The following USO1 variants were observed in gnomAD, a reference collection of about 807,000 sequenced individuals.
USO1 encodes the protein USO1 vesicle transport factor, also known as general vesicular transport factor p115.
In USO1, 57 loss-of-function variants were observed where a neutral mutation model predicts 124.5. The ratio of observed to expected loss-of-function variants is 0.46; its 90% CI spans 0.37 to 0.57. USO1 has a LOEUF of 0.57. USO1 is among the 20% of genes least tolerant of loss of function. The pLI, the probability that USO1 is intolerant of heterozygous loss-of-function variation, is 0.00. For missense variants in USO1, 900 were observed against 1,040.6 expected, an observed-to-expected ratio of 0.86 and a Z score of 1.86; for synonymous variants, 369 against 362.8, an observed-to-expected ratio of 1.02 and a Z score of -0.19.
intron 1 of USO1, among the ~76,000 whole-genome samples, chr4:75,745,775 TTG>T (rs143929359): frequency 0.14 from 20,996 of 151,824 alleles, 2,475 homozygotes; most frequent in African/African-American, 0.32. Flanking sequence ...TGGCACATGT[TTG>T]TAATCCCAAC....
chr4:75,736,777 G>A (rs1308535852), intron 1 of USO1, among the ~76,000 whole-genome samples: 1 of 152,042 alleles, frequency 6.6e-6, no homozygotes, highest in East Asian at 1.9e-4. Flanking sequence ...ATGTTTCTCA[G>A]AGCACCTAAT....
At chr4:75,746,423 C>G (rs887120999) in intron 1 of USO1, among the ~76,000 whole-genome samples, 2 of 152,176 alleles carry the variant, frequency 1.3e-5, no homozygotes, top group Non-Finnish European at 2.9e-5. Context: ...AATTATACTG[C>G]ACTGAGTTGG....
At chr4:75,748,698 C>G (rs1721206520) in intron 1 of USO1, among the ~76,000 whole-genome samples, 1 of 152,006 alleles carries the variant, frequency 6.6e-6, no homozygotes, top group African/African-American at 2.4e-5. Flanking sequence ...AGATAAGAAT[C>G]CCAGATCTAG....
At chr4:75,752,345 T>G in intron 1 of USO1, 28 bp from the exon 2 acceptor site, 1 of 398,308 alleles carries the variant, frequency 2.5e-6, no homozygotes. Context: ...TTTTATTCTT[T>G]TAATGCCATT....
At chr4:75,809,591 G>T (rs1189094016) in intron 21 of USO1, among the ~76,000 whole-genome samples, 1 of 152,144 alleles carries the variant, frequency 6.6e-6, no homozygotes, top group Non-Finnish European at 1.5e-5. Flanking sequence ...ACAAAACACT[G>T]CAACACTATT....
intron 1 of USO1, among the ~76,000 whole-genome samples, chr4:75,729,593 G>A (rs894573256): frequency 2.0e-5 from 3 of 151,994 alleles, no homozygotes; most frequent in African/African-American, 7.3e-5. Context: ...TGCCCGCCTC[G>A]GCCTCTCAAA....
chr4:75,771,594 G>A (rs933268841), intron 7 of USO1, among the ~76,000 whole-genome samples: 3 of 152,204 alleles, frequency 2.0e-5, no homozygotes, highest in Non-Finnish European at 2.9e-5. Flanking sequence ...TCCTCATAAA[G>A]AGTAGCGGAG....
At chr4:75,768,825 C>T in intron 4 of USO1, among the ~76,000 whole-genome samples, 1 of 152,122 alleles carries the variant, frequency 6.6e-6, no homozygotes, top group East Asian at 1.9e-4. Context: ...ATATGTTTAC[C>T]ACTCTAATGT....
At chr4:75,786,691 G>T (rs1475490045) in intron 9 of USO1, among the ~76,000 whole-genome samples, 1 of 152,112 alleles carries the variant, frequency 6.6e-6, no homozygotes, top group Admixed American at 6.5e-5. Flanking sequence ...TTTCAGACCT[G>T]CTCTCTTACT....
chr4:75,774,628 G>T, intron 7 of USO1, 48 bp from the exon 8 acceptor site: 2 of 1,541,700 alleles, frequency 1.3e-6, no homozygotes, highest in Non-Finnish European at 1.7e-6. Context: ...ATTTAAAAAT[G>T]TCTCATAAAT....
Position 75,813,449 on chromosome 4 carries a change from A to T in USO1, c.*154A>T. The T allele has an allele frequency of 2.5e-6, 2 of 784,844 alleles. No individual in the cohort carries two copies. Among genetic ancestry groups the T allele is most frequent in the Non-Finnish European group, 3.6e-6 (2 of 559,208 alleles). 48.6% of individuals were successfully genotyped at this position (784,844 alleles called of 1,614,324 possible). A position where few individuals can be genotyped will look rare whatever the true frequency, so the allele number is the denominator to read the frequency against. On this transcript the variant is annotated 3_prime_UTR_variant, in exon 24 of 24. Transcript: ENST00000514213. Reference sequence around the variant, plus strand: ...ATATATTTTTGTAATGTTGCCACCCATGTTGAAAACCTTAAAACTGAATTT... The same window carrying T: ...ATATATTTTTGTAATGTTGCCACCCTTGTTGAAAACCTTAAAACTGAATTT...
At chr4:75,731,894 TAC>T (rs1242684199) in intron 1 of USO1, among the ~76,000 whole-genome samples, 3 of 152,254 alleles carry the variant, frequency 2.0e-5, no homozygotes, top group Non-Finnish European at 4.4e-5. Flanking sequence ...CAAGCTGTAT[TAC>T]ACTAGTGTCC....
chr4:75,733,398 A>G (rs1016971608), intron 1 of USO1, among the ~76,000 whole-genome samples: 6 of 152,268 alleles, frequency 3.9e-5, no homozygotes, highest in African/African-American at 1.4e-4. Context: ...ACTGCTCTCT[A>G]CAGTGACTGA....
At chr4:75,743,840 G>A (rs1273091431) in intron 1 of USO1, among the ~76,000 whole-genome samples, 3 of 152,042 alleles carry the variant, frequency 2.0e-5, no homozygotes, top group Non-Finnish European at 4.4e-5. Context: ...GCAGTGGCGC[G>A]ATCTTGGCTC....
chr4:75,771,795 G>A (rs17000825), intron 7 of USO1, among the ~76,000 whole-genome samples: 2,101 of 152,248 alleles, frequency 0.014, 56 homozygotes, highest in African/African-American at 0.048. Flanking sequence ...ATTTGATGCT[G>A]TATATTTTGT....
intron 1 of USO1, among the ~76,000 whole-genome samples, chr4:75,747,093 T>C (rs1721146476): frequency 6.6e-6 from 1 of 152,142 alleles, no homozygotes; most frequent in Admixed American, 6.6e-5. Flanking sequence ...AGGGGAGGAT[T>C]TAGGTTTATA....
intron 7 of USO1, 135 bp from the exon 8 acceptor site, chr4:75,774,541 T>C (rs569119045): frequency 1.9e-6 from 2 of 1,041,188 alleles, no homozygotes; most frequent in Admixed American, 6.3e-5. Flanking sequence ...TCTGTTCTTG[T>C]TTTCCTTATG....
chr4:75,757,672 A>G (rs1390501017), intron 4 of USO1, 99 bp downstream of exon 4: 10 of 1,155,236 alleles, frequency 8.7e-6, no homozygotes, highest in Middle Eastern at 2.5e-4. Flanking sequence ...TTATAAATGT[A>G]TAAGTTTTTT....
Position 75,814,016 on chromosome 4 carries a change from T to C in USO1, c.*721T>C, listed in dbSNP as rs1723223031. 6.6e-6 allele frequency: 1 copy of C among 152,234 alleles called. No homozygotes were observed. The highest frequency in any genetic ancestry group is 1.5e-5 in the Non-Finnish European group (1 of 68,036). The allele number at this position is 152,234 out of a possible 1,614,324, so 9.4% of individuals were successfully genotyped here. The stretch of plus-strand genomic sequence containing the variant: ...AAACAAATTTCAAGTTAACAGTTCA[T>C]ACAACTCAGATTTAGTAGTATTGTT... On this transcript the variant is annotated 3_prime_UTR_variant, in exon 24 of 24. Coordinates refer to ENST00000514213, the MANE Select transcript of USO1 (RefSeq NM_003715.4).
Sources: allele counts gnomAD v4.1 joint callset (sites outside exome capture counted in the v4.1 genomes callset), GRCh38; gene constraint gnomAD v4.1.1; transcripts MANE v1.5; gene names NCBI Gene and HGNC (gene_info 2026-07-23, HGNC 2026-07-21).